The following FOXN3 variants were observed in gnomAD, a reference collection of about 807,000 sequenced individuals.
FOXN3 encodes forkhead box protein N3.
In FOXN3, 7 loss-of-function variants were observed where a neutral mutation model predicts 38.4. That is an observed-to-expected ratio of 0.18 (90% CI 0.10 to 0.34). FOXN3 has a LOEUF of 0.34. Among genes scored for constraint, FOXN3 ranks in the 10% least tolerant of loss-of-function variants. The probability of loss-of-function intolerance (pLI) is 1.00; values close to 1 mark genes in which losing one functional copy is unlikely to be tolerated. For missense variants in FOXN3, 456 were observed against 613.4 expected (o/e 0.74, Z 2.71); for synonymous variants, 230 against 242.2 (o/e 0.95, Z 0.47).
chr14:89,616,521 A>ACCCCCCCCCCCCC (rs1161046760), intron 1 of FOXN3, among the ~76,000 whole-genome samples: 6 of 137,886 alleles, frequency 4.4e-5, no homozygotes, highest in African/African-American at 8.3e-5. Context: ...TCACTCCCCA[A>ACCCCCCCCCCCCC]CCCCACCCCC....
rs368381433 is a variant in FOXN3 at position 89,225,200 on chromosome 14, G to A, written c.746-44394C>T. ...TGTGCCTATAGTCCCAGCTACCTGG[G>A]AGGCTGAGGTAGGAGGATCACTTGG... On this transcript the variant is annotated intron_variant, in intron 4 of 5. Coordinates refer to ENST00000557258, the MANE Select transcript of FOXN3 (RefSeq NM_005197.4). 1.5e-4 allele frequency among the ~76,000 whole-genome samples: 23 copies of A among 152,208 alleles called. No individual in the cohort carries two copies. The South Asian group carries it at 4.6e-3, about 30-fold the overall frequency.
intron 3 of FOXN3, among the ~76,000 whole-genome samples, chr14:89,301,629 G>C (rs1337557270): frequency 6.6e-6 from 1 of 152,034 alleles, no homozygotes; most frequent in African/African-American, 2.4e-5. Context: ...TTACCTGGGT[G>C]CAGTGGCAGG....
intron 4 of FOXN3, among the ~76,000 whole-genome samples, chr14:89,250,090 A>T (rs10151997): frequency 0.046 from 7,027 of 152,244 alleles, 499 homozygotes; most frequent in African/African-American, 0.16. Flanking sequence ...AATTTGACTG[A>T]ACATGATGGA....
At chr14:89,281,643 A>G (rs1224926808) in intron 3 of FOXN3, among the ~76,000 whole-genome samples, 1 of 152,182 alleles carries the variant, frequency 6.6e-6, no homozygotes, top group Admixed American at 6.5e-5. Flanking sequence ...AAAATAGGAG[A>G]GATCAATATA....
chr14:89,504,180 G>A (rs1893859810), intron 1 of FOXN3, among the ~76,000 whole-genome samples: 1 of 152,224 alleles, frequency 6.6e-6, no homozygotes, highest in Non-Finnish European at 1.5e-5. Context: ...AAGTAGTCAT[G>A]TGCATTGCTA....
intron 1 of FOXN3, among the ~76,000 whole-genome samples, chr14:89,471,221 C>G (rs980786689): frequency 1.3e-5 from 2 of 152,204 alleles, no homozygotes; most frequent in South Asian, 2.1e-4. Context: ...CTTGAGCCAC[C>G]CTGTGGTTCA....
chr14:89,205,995 C>T (rs956715785), intron 4 of FOXN3, among the ~76,000 whole-genome samples: 6 of 152,274 alleles, frequency 3.9e-5, no homozygotes, highest in Admixed American at 1.3e-4. Flanking sequence ...GAGAGCTGCC[C>T]GTCCCCTCCA....
chr14:89,421,646 C>T (rs940341025), upstream of FOXN3, among the ~76,000 whole-genome samples: 6 of 151,384 alleles, frequency 4.0e-5, no homozygotes, highest in African/African-American at 9.7e-5. Context: ...CCTGCCTCAG[C>T]CTCCCGAGTA....
chr14:89,521,358 T>TAGAAAGAG (rs554058509), intron 1 of FOXN3, among the ~76,000 whole-genome samples: 1 of 124,968 alleles, frequency 8.0e-6, no homozygotes. Context: ...AGATGATAGA[T>TAGAAAGAG]AGAGAGAGAG....
chr14:89,438,361 T>G (rs1432589615), intron 1 of FOXN3, among the ~76,000 whole-genome samples: 1 of 152,222 alleles, frequency 6.6e-6, no homozygotes, highest in Non-Finnish European at 1.5e-5. Context: ...TGAAAGAAAC[T>G]TAAGGTTTTC....
At chr14:89,498,138 T>C (rs1185909186) in intron 1 of FOXN3, among the ~76,000 whole-genome samples, 1 of 151,598 alleles carries the variant, frequency 6.6e-6, no homozygotes, top group Non-Finnish European at 1.5e-5. Flanking sequence ...TTCTGGATAT[T>C]TATCCCTTAT....
intron 4 of FOXN3, among the ~76,000 whole-genome samples, chr14:89,249,357 T>A (rs1885387402): frequency 6.6e-6 from 1 of 152,192 alleles, no homozygotes; most frequent in Non-Finnish European, 1.5e-5. Context: ...TCACAGGCAC[T>A]CAGAGCTTCT....
chr14:89,508,624 G>T (rs899453360), intron 1 of FOXN3, among the ~76,000 whole-genome samples: 12 of 152,202 alleles, frequency 7.9e-5, no homozygotes, highest in Non-Finnish European at 1.2e-4. Context: ...AGCAGGCAAT[G>T]AAGTAGACAT....
chr14:89,416,196 C>A (rs955683011), intron 1 of FOXN3, among the ~76,000 whole-genome samples: 5 of 152,182 alleles, frequency 3.3e-5, no homozygotes, highest in Non-Finnish European at 5.9e-5. Flanking sequence ...AGGGGACCTG[C>A]GGGAGTGGCG....
At chr14:89,236,022 T>A (rs1415052308) in intron 4 of FOXN3, among the ~76,000 whole-genome samples, 2 of 151,926 alleles carry the variant, frequency 1.3e-5, no homozygotes, top group African/African-American at 4.8e-5. Flanking sequence ...AACTAAGGAG[T>A]GGCAGAGCTG....
chr14:89,439,645 A>G (rs1475216402), intron 1 of FOXN3, among the ~76,000 whole-genome samples: 1 of 145,464 alleles, frequency 6.9e-6, no homozygotes, highest in African/African-American at 2.6e-5. Context: ...TGGAGTAGCC[A>G]TTCTTTTATT....
At chr14:89,392,136 T>A (rs1316475915) in intron 2 of FOXN3, among the ~76,000 whole-genome samples, 1 of 152,188 alleles carries the variant, frequency 6.6e-6, no homozygotes, top group Non-Finnish European at 1.5e-5. Context: ...TATGTTCCCA[T>A]AGGCAGCATT....
At chr14:89,601,570 G>C (rs891464417) in intron 1 of FOXN3, among the ~76,000 whole-genome samples, 2 of 152,190 alleles carry the variant, frequency 1.3e-5, no homozygotes, top group African/African-American at 4.8e-5. Flanking sequence ...GTTAAACTCA[G>C]GTACAGGGTG....
intron 1 of FOXN3, among the ~76,000 whole-genome samples, chr14:89,476,251 A>AT (rs1218807031): frequency 2.6e-5 from 4 of 152,110 alleles, no homozygotes; most frequent in African/African-American, 9.7e-5. Flanking sequence ...GCCCTTTCCA[A>AT]AAGCCTCTCC....
Sources: allele counts gnomAD v4.1 joint callset (sites outside exome capture counted in the v4.1 genomes callset), GRCh38; gene constraint gnomAD v4.1.1; transcripts MANE v1.5; gene names NCBI Gene and HGNC (gene_info 2026-07-23, HGNC 2026-07-21).